Variants in NYAP2 observed in about 807,000 individuals in gnomAD.
NYAP2 encodes the protein neuronal tyrosine-phosphorylated phosphoinositide-3-kinase adapter 2.
NYAP2 carries 23 observed loss-of-function variants against 50.4 expected under a neutral mutation model. The observed-to-expected ratio is 0.46, with a 90% CI of 0.33 to 0.65. NYAP2 has a LOEUF of 0.65. Among genes scored for constraint, NYAP2 ranks in the 30% least tolerant of loss-of-function variants. The probability of loss-of-function intolerance (pLI) is 0.02; values close to 1 mark genes in which losing one functional copy is unlikely to be tolerated. For synonymous variants in NYAP2, 394 were observed against 365.2 expected, an observed-to-expected ratio of 1.08 and a Z score of -0.90; for missense variants, 885 against 861.0, an observed-to-expected ratio of 1.03 and a Z score of -0.35.
At chr2:225,466,516 G>A (rs543497085) in intron 3 of NYAP2, among the ~76,000 whole-genome samples, 2 of 152,308 alleles carry the variant, frequency 1.3e-5, no homozygotes, top group South Asian at 4.1e-4. Context: ...GCTCCCCATT[G>A]TGCAACTGAT....
chr2:225,650,307 C>A (rs766958638), intron 6 of NYAP2, among the ~76,000 whole-genome samples: 6 of 152,194 alleles, frequency 3.9e-5, no homozygotes, highest in African/African-American at 9.7e-5. Flanking sequence ...ACCTCCCCAG[C>A]GTGAGCAACA....
At chr2:225,497,190 C>T (rs1242247175) in intron 3 of NYAP2, among the ~76,000 whole-genome samples, 1 of 152,174 alleles carries the variant, frequency 6.6e-6, no homozygotes, top group African/African-American at 2.4e-5. Context: ...TCTAGAAAAA[C>T]AGGGAGCCAA....
chr2:225,612,849 T>TCACACCCAATGTGTGTGATGACAC (rs1692923254), intron 5 of NYAP2, among the ~76,000 whole-genome samples: 1 of 139,138 alleles, frequency 7.2e-6, no homozygotes, highest in African/African-American at 2.7e-5. Flanking sequence ...TGTGATGACA[T>TCACACCCAATGTGTGTGATGACAC]CACATCTGGG....
the NYAP2 span, among the ~76,000 whole-genome samples, chr2:225,696,807 G>T: frequency 3.9e-5 from 6 of 152,034 alleles, no homozygotes; most frequent in Admixed American, 3.9e-4. Context: ...TCTGCCATTT[G>T]TTGGCTCTGT....
At chr2:225,504,527 T>C (rs752320631) in intron 3 of NYAP2, among the ~76,000 whole-genome samples, 1 of 152,208 alleles carries the variant, frequency 6.6e-6, no homozygotes, top group Non-Finnish European at 1.5e-5. Context: ...TTTTACTTTA[T>C]AACAACCCTG....
the NYAP2 span, among the ~76,000 whole-genome samples, chr2:225,688,842 A>C: frequency 1.3e-5 from 2 of 152,138 alleles, no homozygotes; most frequent in Non-Finnish European, 2.9e-5. Context: ...TCCTGGGCTT[A>C]AGCGATTCTC....
chr2:225,618,987 G>T (rs1017152653), intron 5 of NYAP2, among the ~76,000 whole-genome samples: 6 of 152,198 alleles, frequency 3.9e-5, no homozygotes, highest in African/African-American at 1.4e-4. Flanking sequence ...CTGCTAAGTT[G>T]TGGGCACTCT....
chr2:225,660,126 C>A, the NYAP2 span, among the ~76,000 whole-genome samples: 2 of 152,008 alleles, frequency 1.3e-5, no homozygotes, highest in Admixed American at 6.6e-5. Context: ...GTCCTTGGTA[C>A]CCCCCTAGAG....
At chr2:225,538,798 CT>C (rs1559208658) in intron 4 of NYAP2, among the ~76,000 whole-genome samples, 1 of 56,226 alleles carries the variant, frequency 1.8e-5, no homozygotes, top group African/African-American at 5.7e-5. Flanking sequence ...TTCTTTCTTT[CT>C]TTCTTTCTTT....
intron 3 of NYAP2, among the ~76,000 whole-genome samples, chr2:225,483,988 G>A (rs939145102): frequency 6.6e-6 from 1 of 152,188 alleles, no homozygotes; most frequent in African/African-American, 2.4e-5. Context: ...CACTTGCCAA[G>A]GTTGTGGTTT....
At chr2:225,458,801 C>G (rs541295724) in intron 3 of NYAP2, among the ~76,000 whole-genome samples, 1 of 152,336 alleles carries the variant, frequency 6.6e-6, no homozygotes, top group Middle Eastern at 3.4e-3. Flanking sequence ...TTCCTTCTTA[C>G]CACTTTAGTC....
chr2:225,582,155 C>T lies in NYAP2; in HGVS notation c.738C>T (p.Ile246=), dbSNP rs764466156. ...CCGAGGAAGAGGAGCCCGTGTACAT[C>T]GAGATGGTGGGGAACATTCTCAGAG... The change falls in exon 5 of 7, where the codon ATC becomes ATT. Residue 246 remains isoleucine, a synonymous_variant. Coordinates refer to ENST00000636099, the Ensembl canonical transcript of NYAP2. The surrounding 1 kb of genome is among the most constrained non-coding windows in gnomAD (Gnocchi z 7.0). The T allele has an allele frequency of 1.5e-5, 25 of 1,613,994 alleles. 1 individual carries two copies. The highest frequency in any genetic ancestry group is 1.6e-4 in the Middle Eastern group (1 of 6,062).
exon 7 of NYAP2, chr2:225,653,391 G>C (rs142310300): frequency 6.6e-6 from 1 of 152,316 alleles, no homozygotes; most frequent in East Asian, 1.9e-4. Context: ...TTCCAGAATA[G>C]AGACAAGGTA....
At chr2:225,548,879 T>A (rs1056528396) in intron 4 of NYAP2, among the ~76,000 whole-genome samples, 3 of 107,578 alleles carry the variant, frequency 2.8e-5, no homozygotes, top group Non-Finnish European at 5.7e-5. Context: ...TTTCTCAGAA[T>A]GCAGCAATTT....
chr2:225,587,947 C>T (rs894160458), intron 5 of NYAP2, among the ~76,000 whole-genome samples: 12 of 150,840 alleles, frequency 8.0e-5, no homozygotes, highest in South Asian at 4.2e-4. Flanking sequence ...TTTTTTTAGG[C>T]GGATTCTTGC....
chr2:225,665,173 T>C, the NYAP2 span, among the ~76,000 whole-genome samples: 1 of 152,178 alleles, frequency 6.6e-6, no homozygotes, highest in South Asian at 2.1e-4. Flanking sequence ...AAATTTTGCA[T>C]AAGTTTATTG....
intron 3 of NYAP2, among the ~76,000 whole-genome samples, chr2:225,425,475 G>T (rs530212114): frequency 6.6e-6 from 1 of 152,172 alleles, no homozygotes; most frequent in Admixed American, 6.5e-5. Flanking sequence ...GCTTTAGAAG[G>T]CAAGGGCACA....
chr2:225,690,266 T>C, the NYAP2 span, among the ~76,000 whole-genome samples: 1 of 152,120 alleles, frequency 6.6e-6, no homozygotes, highest in Non-Finnish European at 1.5e-5. Context: ...AATATGCTCA[T>C]TAAAAATATT....
At chr2:225,615,552 C>T (rs926830424) in intron 5 of NYAP2, among the ~76,000 whole-genome samples, 1 of 152,116 alleles carries the variant, frequency 6.6e-6, no homozygotes, top group Admixed American at 6.5e-5. Flanking sequence ...TTATTTGCAA[C>T]TATTTTATGG....
Sources: gnomAD v4.1 joint callset for allele counts (sites outside exome capture counted in the v4.1 genomes callset) on GRCh38, gnomAD v4.1.1 for gene constraint, Gnocchi (gnomAD v3.1) non-coding constraint, MANE v1.5 for transcripts, NCBI Gene and HGNC (gene_info 2026-07-23, HGNC 2026-07-21) for gene names.